The following RNF17 variants were observed in gnomAD, a reference collection of about 807,000 sequenced individuals.
RNF17 encodes the protein ring finger protein 17.
RNF17 carries 31 observed loss-of-function variants against 200.5 expected under a neutral mutation model. That is an observed-to-expected ratio of 0.15 (90% CI 0.12 to 0.21). The LOEUF (loss-of-function observed/expected upper bound fraction) is 0.21. RNF17 is among the 10% of genes least tolerant of loss of function. The pLI is 1.00. For synonymous variants in RNF17, 606 were observed against 637.8 expected (o/e 0.95, Z 0.75); for missense variants, 1,628 against 1,905.1 (o/e 0.85, Z 2.71).
chr13:24,854,903 G>T (rs536752519), intron 25 of RNF17, among the ~76,000 whole-genome samples: 1 of 152,268 alleles, frequency 6.6e-6, no homozygotes, highest in East Asian at 1.9e-4. Context: ...ATGATAAGAA[G>T]CAGCATCGCC....
intron 23 of RNF17, among the ~76,000 whole-genome samples, chr13:24,851,072 G>A (rs918520727): frequency 2.6e-5 from 4 of 152,238 alleles, no homozygotes; most frequent in East Asian, 3.9e-4. Flanking sequence ...TCGGCTCACC[G>A]CAATCTCCGA....
At chr13:24,749,916 A>AT in the RNF17 span, among the ~76,000 whole-genome samples, 451 of 152,050 alleles carry the variant, frequency 3.0e-3, 5 homozygotes, top group African/African-American at 9.6e-3. Context: ...CACCCAGCTA[A>AT]TTTTTTTGTA....
the RNF17 span, chr13:24,886,266 G>T: frequency 5.5e-6 from 7 of 1,267,488 alleles, no homozygotes; most frequent in Admixed American, 1.6e-4. Context: ...GCCAGAATCT[G>T]ACCTCCATGT....
intron 33 of RNF17, 38 bp from the exon 34 acceptor site, chr13:24,876,959 G>C: frequency 6.7e-7 from 1 of 1,490,702 alleles, no homozygotes; most frequent in Non-Finnish European, 9.1e-7. Flanking sequence ...AGTTTCAGCC[G>C]GAAGAGAATT....
At chr13:24,846,034 A>T (rs544773395) in intron 22 of RNF17, among the ~76,000 whole-genome samples, 1 of 152,216 alleles carries the variant, frequency 6.6e-6, no homozygotes, top group Non-Finnish European at 1.5e-5. Context: ...TCAAGCCTGC[A>T]GTGAGCTATG....
intron 15 of RNF17, among the ~76,000 whole-genome samples, chr13:24,807,685 A>G (rs980111509): frequency 6.6e-6 from 1 of 151,762 alleles, no homozygotes; most frequent in East Asian, 1.9e-4. Context: ...TTTTGTTGCC[A>G]TTGCTTTTGG....
chr13:24,857,676 A>C (rs1038130657), intron 25 of RNF17, among the ~76,000 whole-genome samples: 1 of 152,176 alleles, frequency 6.6e-6, no homozygotes, highest in Non-Finnish European at 1.5e-5. Flanking sequence ...AGGCAGGAAG[A>C]TTGCTTAAGC....
At chr13:24,851,421 T>G (rs778791064) in intron 23 of RNF17, 35 bp from the exon 24 acceptor site, 1 of 1,326,854 alleles carries the variant, frequency 7.5e-7, no homozygotes, top group South Asian at 1.2e-5. Context: ...TTCATTTTGG[T>G]GTTTCATATT....
At chr13:24,882,876 T>C, downstream of RNF17, 1 of 322,886 alleles carries the variant, frequency 3.1e-6, no homozygotes, top group Admixed American at 5.0e-5. Context: ...ACTTCTTGGT[T>C]TTTTTTTATA....
intron 7 of RNF17, among the ~76,000 whole-genome samples, chr13:24,788,364 A>G (rs946290385): frequency 1.3e-5 from 2 of 152,168 alleles, no homozygotes; most frequent in Non-Finnish European, 2.9e-5. Context: ...TGTAAAATTT[A>G]TATGACCTTT....
intron 19 of RNF17, among the ~76,000 whole-genome samples, chr13:24,842,747 G>T (rs749630819): frequency 6.6e-6 from 1 of 152,122 alleles, no homozygotes; most frequent in Non-Finnish European, 1.5e-5. Flanking sequence ...TGGCCCTGGA[G>T]GAGGCTGAGA....
chr13:24,778,796 A>T (rs991054611), intron 4 of RNF17, among the ~76,000 whole-genome samples: 1 of 152,250 alleles, frequency 6.6e-6, no homozygotes, highest in Non-Finnish European at 1.5e-5. Flanking sequence ...ATTGCTGAAG[A>T]TAGAGTTTTA....
chr13:24,794,684 T>C (rs921708408), intron 10 of RNF17, among the ~76,000 whole-genome samples: 1 of 151,846 alleles, frequency 6.6e-6, no homozygotes, highest in Non-Finnish European at 1.5e-5. Flanking sequence ...AATAAATGAA[T>C]GAATGAGTGT....
At chr13:24,830,327 G>T (rs759941854) in intron 16 of RNF17, among the ~76,000 whole-genome samples, 157 bp from the exon 17 acceptor site, 3 of 151,564 alleles carry the variant, frequency 2.0e-5, no homozygotes, top group African/African-American at 4.9e-5. Context: ...ATGATTTCGG[G>T]GTTCACATAT....
intron 28 of RNF17, among the ~76,000 whole-genome samples, chr13:24,863,219 A>G (rs1325833604): frequency 2.0e-5 from 3 of 152,202 alleles, no homozygotes; most frequent in East Asian, 3.8e-4. Flanking sequence ...AACCTAAAAC[A>G]TTTGCACTAC....
At chr13:24,886,228 A>G in the RNF17 span, 3 of 986,158 alleles carry the variant, frequency 3.0e-6, no homozygotes, top group African/African-American at 5.0e-5. Context: ...TATTGTAAAC[A>G]CTCAACTTGG....
rs569584759 is a variant in RNF17, at chr13:24,868,200, G to A, written c.4162-400G>A. 2.2e-4 allele frequency among the ~76,000 whole-genome samples: 33 copies of A among 152,244 alleles called. 1 individual carries two copies. In the South Asian group the frequency reaches 6.0e-3, roughly 28 times the overall value. On this transcript the variant is annotated intron_variant, in intron 30 of 35. Coordinates refer to ENST00000255324, the MANE Select transcript of RNF17 (RefSeq NM_031277.3). Reference sequence around the variant, plus strand: ...AGAGAGCTTGCTGGGGCCGGGCGCGGTGGCTCACGCCTCTAATCCCAGCAC... The same window carrying A: ...AGAGAGCTTGCTGGGGCCGGGCGCGATGGCTCACGCCTCTAATCCCAGCAC...
intron 11 of RNF17, among the ~76,000 whole-genome samples, 189 bp downstream of exon 11, chr13:24,796,484 G>A (rs1357839531): frequency 2.6e-5 from 4 of 152,252 alleles, no homozygotes; most frequent in East Asian, 1.9e-4. Context: ...ATGGAATGTT[G>A]GCACATTTTT....
intron 24 of RNF17, among the ~76,000 whole-genome samples, chr13:24,851,928 G>T (rs189038815): frequency 1.3e-5 from 2 of 152,116 alleles, no homozygotes; most frequent in African/African-American, 4.8e-5. Flanking sequence ...CTTTATTTTA[G>T]AAATTCTGGT....
Sources: allele counts gnomAD v4.1 joint callset (sites outside exome capture counted in the v4.1 genomes callset), GRCh38; gene constraint gnomAD v4.1.1; transcripts MANE v1.5; gene names NCBI Gene and HGNC (gene_info 2026-07-23, HGNC 2026-07-21).